The following BIRC6 variants were observed in gnomAD, a reference collection of about 807,000 sequenced individuals.
BIRC6 encodes the protein baculoviral IAP repeat containing 6.
In BIRC6, 98 loss-of-function variants were observed where a neutral mutation model predicts 503.3. The ratio of observed to expected loss-of-function variants is 0.19; its 90% confidence interval spans 0.17 to 0.23. The LOEUF is 0.23. BIRC6 is among the 10% of genes least tolerant of loss of function. BIRC6 has a pLI of 1.00. For synonymous variants in BIRC6, 2,240 were observed against 2,078.7 expected, an observed-to-expected ratio of 1.08 and a Z score of -2.11; for missense variants, 5,360 against 5,806.0, an observed-to-expected ratio of 0.92 and a Z score of 2.50.
In BIRC6 at chr2:32,445,530, A is replaced by G. The variant is rs780614002; in HGVS notation, c.4346A>G (p.Tyr1449Cys). 1.1e-5 allele frequency: 18 copies of G among 1,574,204 alleles called. No homozygotes were observed. The highest frequency in any genetic ancestry group is 7.1e-5 in the South Asian group (6 of 84,088). Residue 1449 changes from tyrosine (Y) to cysteine (C), a missense_variant, in exon 21 of 74, where the codon TAT becomes TGT. Coordinates refer to ENST00000421745, the MANE Select transcript of BIRC6 (RefSeq NM_016252.4). ...LPAATTGGSV[Y>C]WYFVLLNYVK... ...TTTTTATTGTTTCCAGGTTCTGTCT[A>G]TTGGTATTTTGTCTTACTGAATTAT...
chr2:32,465,249 ATTTTTTTTT>A (rs11353879), intron 26 of BIRC6, 85 bp downstream of exon 26: 1 of 272,296 alleles, frequency 3.7e-6, no homozygotes, highest in Non-Finnish European at 6.0e-6. Context: ...CTTCAGTTCG[ATTTTTTTTT>A]TTTTTTTTTT....
chr2:32,407,823 CA>C (rs2041408076), intron 9 of BIRC6, among the ~76,000 whole-genome samples: 1 of 151,806 alleles, frequency 6.6e-6, no homozygotes, highest in African/African-American at 2.4e-5. Context: ...TAAAAATGTG[CA>C]AATGTGTAAT....
Position 32,611,430 on chromosome 2 carries a change from T to C in BIRC6, c.14260-18T>C. On this transcript the variant is annotated intron_variant, in intron 72 of 73. Coordinates refer to ENST00000421745, the MANE Select transcript of BIRC6 (RefSeq NM_016252.4). ...TGACTGTAAACACTGCTTGTTCTCC[T>C]GTTTACTTTTTCTCAAGGTAATACA... 6.3e-7 allele frequency: 1 copy of C among 1,591,570 alleles called. No individual in the cohort carries two copies. The highest frequency in any genetic ancestry group is 8.6e-7 in the Non-Finnish European group (1 of 1,166,964).
chr2:32,560,989 G>C (rs2059135151), intron 65 of BIRC6, among the ~76,000 whole-genome samples: 1 of 151,932 alleles, frequency 6.6e-6, no homozygotes, highest in Admixed American at 6.6e-5. Flanking sequence ...CACGAGGTCA[G>C]GAGGTCGAGA....
At chr2:32,421,754 T>C (rs2042975040) in intron 10 of BIRC6, among the ~76,000 whole-genome samples, 2 of 152,212 alleles carry the variant, frequency 1.3e-5, no homozygotes, top group African/African-American at 2.4e-5. Flanking sequence ...TGACCCAGCA[T>C]CTGGTCTGTC....
At position 32,481,481 on chromosome 2, in the gene BIRC6, A is replaced by G. The variant is rs1017558413; in HGVS notation, c.7542+28A>G. 4.5e-6 allele frequency: 7 copies of G among 1,560,770 alleles called. No homozygotes were observed. The African/African-American group carries it at 9.6e-5, about 21-fold the overall frequency. ...ATGATACATGAGAATAGTCTTTGAA[A>G]GGAGGCCGGGCGCAGTGGCTCATGC... On this transcript the variant is annotated intron_variant, in intron 38 of 73. Coordinates refer to ENST00000421745, the MANE Select transcript of BIRC6 (RefSeq NM_016252.4).
Position 32,503,218 on chromosome 2 carries a change from C to G in BIRC6, c.9481C>G (p.His3161Asp). 3.1e-6 allele frequency: 5 copies of G among 1,607,872 alleles called. No individual in the cohort carries two copies. Among genetic ancestry groups the G allele is most frequent in the Non-Finnish European group, 4.2e-6 (5 of 1,177,874 alleles). The change falls in exon 49 of 74, where the codon CAT becomes GAT. Residue 3161 changes from histidine to aspartate, a missense_variant. Around this residue, in one of 16 missense-constraint regions of BIRC6, gnomAD observed 267 missense variants for 287.6 expected, o/e 0.93. Transcript: ENST00000421745. ...TGAGCCTGACAATGCTGAAGGGATT[C>G]ATAACTTTGCACCCCTCGGTAAGAA... ...ASEPDNAEGI[H>D]NFAPLGTITS...
chr2:32,460,980 TTGCTC>T (rs147679280), intron 23 of BIRC6, among the ~76,000 whole-genome samples: 2,759 of 146,454 alleles, frequency 0.019, 74 homozygotes, highest in Non-Finnish European at 0.029. Context: ...TGAGATGCAA[TTGCTC>T]TGCTCTGCTC....
chr2:32,515,324 C>T lies in BIRC6; in HGVS notation c.10903C>T (p.Leu3635Phe). Reference sequence around the variant, plus strand: ...ACTAGACTCAGGTTTGCCTTCTCTTCTTGTGAGGAGTCTGGCTAGTTTCTG... The same window carrying T: ...ACTAGACTCAGGTTTGCCTTCTCTTTTTGTGAGGAGTCTGGCTAGTTTCTG... ...QLLDSGLPSL[L>F]VRSLASFCFS... The change falls in exon 55 of 74, where the codon CTT becomes TTT. Residue 3635 changes from leucine to phenylalanine, a missense_variant. Coordinates refer to ENST00000421745, the MANE Select transcript of BIRC6 (RefSeq NM_016252.4). 6.2e-7 allele frequency: 1 copy of T among 1,613,902 alleles called. No individual in the cohort carries two copies. The highest frequency in any genetic ancestry group is 8.5e-7 in the Non-Finnish European group (1 of 1,179,892).
chr2:32,553,144 C>T (rs1258340024), intron 65 of BIRC6, among the ~76,000 whole-genome samples: 12 of 116,366 alleles, frequency 1.0e-4, no homozygotes, highest in African/African-American at 2.6e-4. Flanking sequence ...TTGCGGTGAG[C>T]CGAGATGGCA....
Position 32,357,292 on chromosome 2 carries a change from C to T in BIRC6, c.131C>T (p.Ala44Val). 1 of 1,524,418 alleles carries T rather than the reference C, an allele frequency of 6.6e-7. No individual in the cohort carries two copies. Among genetic ancestry groups the T allele is most frequent in the Non-Finnish European group, 8.8e-7 (1 of 1,139,274 alleles). The allele number at this position is 1,524,418 out of a possible 1,614,324, so 94.4% of individuals were successfully genotyped here. ...AAASGPGCSS[A>V]AGAGAAGVSE... ...GCCTCGGGCCCCGGCTGCTCCTCGG[C>T]GGCGGGGGCGGGGGCGGCCGGGGTC... Residue 44 changes from alanine to valine, a missense_variant, in exon 1 of 74, where the codon GCG (alanine) becomes GTG (valine). Physicochemically the swap from Ala to Val is moderately conservative, Grantham distance 64. Transcript: ENST00000421745. This position sits in a 1 kb window ranked among gnomAD's most constrained non-coding sequence, Gnocchi z 4.9.
intron 71 of BIRC6, among the ~76,000 whole-genome samples, chr2:32,603,928 AT>A (rs2062246402): frequency 6.6e-6 from 1 of 151,730 alleles, no homozygotes; most frequent in African/African-American, 2.4e-5. Flanking sequence ...TTACCAATTG[AT>A]TTTTAACTCA....
At chr2:32,467,806 A>C (rs1046899343) in intron 27 of BIRC6, 67 bp downstream of exon 27, 2 of 1,458,654 alleles carry the variant, frequency 1.4e-6, no homozygotes, top group African/African-American at 1.4e-5. Flanking sequence ...AAAAATGAAT[A>C]TATAATTAAA....
At chr2:32,412,842 A>C (rs1212561752) in intron 9 of BIRC6, among the ~76,000 whole-genome samples, 1 of 152,172 alleles carries the variant, frequency 6.6e-6, no homozygotes, top group Admixed American at 6.5e-5. Context: ...CAGATGCATA[A>C]GTAGTATTCT....
In BIRC6 at chr2:32,415,273, G is replaced by C. The variant is rs373199724; in HGVS notation, c.1982G>C (p.Gly661Ala). ...ATGAGTAAAAGTTTGCATGATGATG[G>C]TTTTACTGTTCCACAGATTATTGAA... ...NIMSKSLHDD[G>A]FTVPQIIEME... The change falls in exon 10 of 74, where the codon GGT (glycine) becomes GCT (alanine). Residue 661 changes from glycine (G) to alanine (A), a missense_variant. Coordinates refer to ENST00000421745, the MANE Select transcript of BIRC6 (RefSeq NM_016252.4). 13 of 1,613,890 alleles carry C rather than the reference G, an allele frequency of 8.1e-6. No individual in the cohort carries two copies. In the African/African-American group the frequency reaches 1.7e-4, roughly 22 times the overall value.
chr2:32,397,052 T>C (rs2039978969), intron 6 of BIRC6, among the ~76,000 whole-genome samples: 1 of 152,048 alleles, frequency 6.6e-6, no homozygotes, highest in Admixed American at 6.6e-5. Flanking sequence ...TTTAACAATA[T>C]ACTGTAATAA....
At chr2:32,516,239 T>C (rs2149713980) in intron 55 of BIRC6, among the ~76,000 whole-genome samples, 1 of 152,200 alleles carries the variant, frequency 6.6e-6, no homozygotes, top group East Asian at 1.9e-4. Flanking sequence ...ATAGGCTGGT[T>C]GTGGTGGCTC....
chr2:32,435,666 T>A, intron 14 of BIRC6, 81 bp downstream of exon 14: 1 of 1,394,436 alleles, frequency 7.2e-7, no homozygotes, highest in Non-Finnish European at 9.5e-7. Context: ...AAGATTTCCT[T>A]ATGGCTTGCA....
At chr2:32,430,202 A>ATT (rs1182585210) in intron 11 of BIRC6, among the ~76,000 whole-genome samples, 2 of 152,128 alleles carry the variant, frequency 1.3e-5, no homozygotes, top group Non-Finnish European at 2.9e-5. Context: ...TATTTTATTA[A>ATT]TTTTTTAAAA....
Sources: allele counts gnomAD v4.1 joint callset (sites outside exome capture counted in the v4.1 genomes callset), GRCh38; gene constraint gnomAD v4.1.1; regional missense constraint gnomAD v4.1.1; non-coding constraint Gnocchi (gnomAD v3.1); transcripts MANE v1.5; gene names NCBI Gene and HGNC (gene_info 2026-07-23, HGNC 2026-07-21).